Variants in ASTN2 observed in about 807,000 individuals in gnomAD.
ASTN2 encodes the protein astrotactin-2.
A neutral mutation model predicts 139.8 loss-of-function variants in ASTN2; 54 were observed. The ratio of observed to expected loss-of-function variants is 0.39; its 90% CI spans 0.31 to 0.48. The LOEUF (loss-of-function observed/expected upper bound fraction) is 0.48, where lower values mean the gene tolerates loss of function less well. ASTN2 is among the 20% of genes least tolerant of loss of function. ASTN2 has a pLI of 0.95. For synonymous variants in ASTN2, 756 were observed against 719.5 expected (o/e 1.05, Z -0.81); for missense variants, 1,565 against 1,725.1 (o/e 0.91, Z 1.64).
chr9:117,355,812 G>C (rs1019312876), intron 1 of ASTN2, among the ~76,000 whole-genome samples: 2 of 152,196 alleles, frequency 1.3e-5, no homozygotes, highest in Admixed American at 6.5e-5. Context: ...CCGGCTTGCA[G>C]CTGGGGGCCA....
At chr9:117,010,759 G>A (rs1260411938) in intron 6 of ASTN2, among the ~76,000 whole-genome samples, 1 of 152,180 alleles carries the variant, frequency 6.6e-6, no homozygotes, top group Non-Finnish European at 1.5e-5. Flanking sequence ...TTGGGCAAAA[G>A]GAGAGGTCAA....
At chr9:117,376,161 AT>A (rs1830119522) in intron 1 of ASTN2, among the ~76,000 whole-genome samples, 1 of 152,130 alleles carries the variant, frequency 6.6e-6, no homozygotes, top group Non-Finnish European at 1.5e-5. Flanking sequence ...GGGGACCATT[AT>A]TGAGCCCACC....
intron 10 of ASTN2, among the ~76,000 whole-genome samples, chr9:116,928,466 C>T (rs745667995): frequency 2.0e-5 from 3 of 152,130 alleles, no homozygotes; most frequent in African/African-American, 7.2e-5. Flanking sequence ...AAATCTTTGT[C>T]GTAACAGCTG....
intron 2 of ASTN2, among the ~76,000 whole-genome samples, chr9:117,253,824 C>T (rs1215139418): frequency 6.6e-6 from 1 of 152,140 alleles, no homozygotes; most frequent in African/African-American, 2.4e-5. Flanking sequence ...CTGAGGTCAG[C>T]CTCAGGACTA....
chr9:116,771,188 C>T (rs975819315), intron 13 of ASTN2, among the ~76,000 whole-genome samples: 3 of 152,172 alleles, frequency 2.0e-5, no homozygotes, highest in African/African-American at 4.8e-5. Flanking sequence ...GCACTTCATG[C>T]TTCCTCTATC....
At chr9:116,449,247 A>G (rs1200339187) in intron 20 of ASTN2, among the ~76,000 whole-genome samples, 2 of 152,094 alleles carry the variant, frequency 1.3e-5, no homozygotes, top group African/African-American at 4.8e-5. Flanking sequence ...CTCTACAAAA[A>G]ATACAAAAAT....
At chr9:117,313,808 T>C (rs922383549) in intron 1 of ASTN2, among the ~76,000 whole-genome samples, 1 of 152,170 alleles carries the variant, frequency 6.6e-6, no homozygotes, top group African/African-American at 2.4e-5. Flanking sequence ...AGAATTTCAC[T>C]GCCTCAAGGA....
At chr9:117,058,788 G>C (rs1025207073) in intron 5 of ASTN2, among the ~76,000 whole-genome samples, 8 of 152,166 alleles carry the variant, frequency 5.3e-5, no homozygotes, top group Non-Finnish European at 1.2e-4. Context: ...AAATGCTAGT[G>C]TACAGAAGAA....
intron 5 of ASTN2, among the ~76,000 whole-genome samples, chr9:117,043,780 T>A (rs1411301825): frequency 6.6e-6 from 1 of 151,668 alleles, no homozygotes; most frequent in Non-Finnish European, 1.5e-5. Flanking sequence ...TGGTGGCAGG[T>A]GCCTGTAGTC....
intron 10 of ASTN2, among the ~76,000 whole-genome samples, chr9:116,943,996 G>A (rs1217322650): frequency 6.6e-6 from 1 of 151,664 alleles, no homozygotes; most frequent in African/African-American, 2.4e-5. Context: ...TATAGAAACC[G>A]ACAATTACAA....
intron 17 of ASTN2, among the ~76,000 whole-genome samples, chr9:116,642,146 C>A (rs811954): frequency 0.97 from 116,519 of 120,248 alleles, 56,727 homozygotes; most frequent in East Asian, 1. Context: ...AAAAAAAAAA[C>A]AAAAAAAAAC....
chr9:116,729,169 C>T (rs761374306), intron 14 of ASTN2, 73 bp from the exon 15 acceptor site: 3 of 1,190,802 alleles, frequency 2.5e-6, no homozygotes, highest in African/African-American at 1.5e-5. Flanking sequence ...CACCCTGCAG[C>T]TCTTGGCTCT....
At chr9:117,029,941 C>T (rs1317881841) in intron 6 of ASTN2, among the ~76,000 whole-genome samples, 1 of 152,028 alleles carries the variant, frequency 6.6e-6, no homozygotes, top group Non-Finnish European at 1.5e-5. Context: ...TAACTACCCT[C>T]ACAGTTGACA....
chr9:116,998,549 T>TCATCCATCCATCCATC (rs35712923), intron 7 of ASTN2, among the ~76,000 whole-genome samples: 3,311 of 150,642 alleles, frequency 0.022, 95 homozygotes, highest in African/African-American at 0.057. Flanking sequence ...AATTTGATTT[T>TCATCCATCCATCCATC]CATCCATCCA....
At chr9:117,194,349 T>G (rs1017390236) in intron 3 of ASTN2, among the ~76,000 whole-genome samples, 2 of 152,130 alleles carry the variant, frequency 1.3e-5, no homozygotes, top group African/African-American at 4.8e-5. Flanking sequence ...CTTTATTAGC[T>G]CCTCTAAGAA....
At chr9:117,274,305 G>A (rs1238319042) in intron 2 of ASTN2, among the ~76,000 whole-genome samples, 5 of 152,092 alleles carry the variant, frequency 3.3e-5, no homozygotes, top group Admixed American at 6.5e-5. Context: ...AGCCAAGATC[G>A]CACCACTGCA....
At chr9:116,738,020 G>A (rs936578940) in intron 13 of ASTN2, among the ~76,000 whole-genome samples, 4 of 150,886 alleles carry the variant, frequency 2.7e-5, no homozygotes, top group Admixed American at 6.6e-5. Flanking sequence ...GTGAAACCCC[G>A]TCTCTACTAA....
intron 13 of ASTN2, among the ~76,000 whole-genome samples, chr9:116,785,329 T>A (rs1187100154): frequency 6.6e-6 from 1 of 152,184 alleles, no homozygotes; most frequent in Admixed American, 6.5e-5. Context: ...TTTTCTGTCA[T>A]CTACATGCTA....
At chr9:116,590,256 C>T (rs1854325810) in intron 19 of ASTN2, among the ~76,000 whole-genome samples, 1 of 152,228 alleles carries the variant, frequency 6.6e-6, no homozygotes, top group Non-Finnish European at 1.5e-5. Flanking sequence ...GGGATCACCC[C>T]CTTCCCCCAC....
Sources: gnomAD v4.1 joint callset for allele counts (sites outside exome capture counted in the v4.1 genomes callset) on GRCh38, gnomAD v4.1.1 for gene constraint, MANE v1.5 for transcripts, NCBI Gene and HGNC (gene_info 2026-07-23, HGNC 2026-07-21) for gene names.